The following WFDC9 variants were observed in gnomAD, a reference collection of about 807,000 sequenced individuals.
WFDC9 encodes WAP four-disulfide core domain 9.
Under a neutral mutation model 9.5 loss-of-function variants are expected in WFDC9, and 9 were observed. That is an observed-to-expected ratio of 0.95 (90% CI 0.57 to 1.65). WFDC9 has a LOEUF of 1.65. Ranked by LOEUF, WFDC9 falls within the 40% of genes most tolerant of loss-of-function variation. The probability of loss-of-function intolerance (pLI) is 0.00; values close to 1 mark genes in which losing one functional copy is unlikely to be tolerated. For synonymous variants in WFDC9, 33 were observed against 32.3 expected, an observed-to-expected ratio of 1.02 and a Z score of -0.07; for missense variants, 87 against 106.7, an observed-to-expected ratio of 0.82 and a Z score of 0.81.
chr20:45,621,373 T>G (rs1443845913), intron 1 of WFDC9, among the ~76,000 whole-genome samples: 1 of 152,230 alleles, frequency 6.6e-6, no homozygotes, highest in Non-Finnish European at 1.5e-5. Context: ...CCTAAATTTT[T>G]AGACAACACC....
chr20:45,608,647 A>G lies in WFDC9; in HGVS notation c.239+16T>C. On this transcript the variant is annotated intron_variant, in intron 4 of 4. Coordinates refer to ENST00000326000, the MANE Select transcript of WFDC9 (RefSeq NM_147198.4). ...AGCATGCCCAGGCCCTAGCCTTCCCACCCCAACCAACTCACTCGTTGTCTA... is the reference window on the plus strand; with the variant it reads ...AGCATGCCCAGGCCCTAGCCTTCCCGCCCCAACCAACTCACTCGTTGTCTA... 1 of 1,607,400 alleles carries G rather than the reference A, an allele frequency of 6.2e-7. No individual in the cohort carries two copies. The highest frequency in any genetic ancestry group is 1.3e-5 in the African/African-American group (1 of 74,938).
chr20:45,621,831 C>T (rs1199449987), intron 1 of WFDC9, among the ~76,000 whole-genome samples: 1 of 152,156 alleles, frequency 6.6e-6, no homozygotes, highest in East Asian at 1.9e-4. Flanking sequence ...CTGGACTTTG[C>T]CCCTTGCACC....
chr20:45,609,609 T>C (rs1981815931), intron 3 of WFDC9, among the ~76,000 whole-genome samples: 2 of 152,164 alleles, frequency 1.3e-5, no homozygotes, highest in Non-Finnish European at 2.9e-5. Context: ...GTCTTTGTTG[T>C]CCACATTTTC....
chr20:45,613,249 TC>T (rs1474734675), intron 2 of WFDC9, among the ~76,000 whole-genome samples: 9 of 152,208 alleles, frequency 5.9e-5, no homozygotes. Context: ...TTCTTGTGTG[TC>T]CTATTTAACA....
chr20:45,609,572 C>T (rs920562563), intron 3 of WFDC9, among the ~76,000 whole-genome samples: 2 of 152,106 alleles, frequency 1.3e-5, no homozygotes, highest in East Asian at 3.9e-4. Context: ...AATTTTATTT[C>T]CCTGGCCCAC....
chr20:45,610,047 C>T, intron 3 of WFDC9, 44 bp downstream of exon 3: 1 of 1,534,262 alleles, frequency 6.5e-7, no homozygotes, highest in Non-Finnish European at 9.0e-7. Context: ...CAATAGACAT[C>T]CCAGGACTGG....
intron 1 of WFDC9, among the ~76,000 whole-genome samples, chr20:45,628,456 G>A (rs1381268464): frequency 6.6e-6 from 1 of 152,152 alleles, no homozygotes; most frequent in African/African-American, 2.4e-5. Context: ...AGATGCTTGG[G>A]TAAGGAAAAT....
At chr20:45,617,992 A>G (rs908052066) in intron 1 of WFDC9, among the ~76,000 whole-genome samples, 1 of 152,232 alleles carries the variant, frequency 6.6e-6, no homozygotes, top group Non-Finnish European at 1.5e-5. Context: ...TTCCTTGAGG[A>G]TGTATAATGA....
At chr20:45,608,555 G>T (rs1981778850) in intron 4 of WFDC9, 108 bp downstream of exon 4, 3 of 1,363,192 alleles carry the variant, frequency 2.2e-6, no homozygotes, top group Middle Eastern at 4.0e-4. Context: ...GTCTTTTGCT[G>T]CCTATTTCTT....
intron 2 of WFDC9, among the ~76,000 whole-genome samples, chr20:45,612,156 G>T (rs914139594): frequency 6.6e-6 from 1 of 152,082 alleles, no homozygotes; most frequent in Non-Finnish European, 1.5e-5. Context: ...AATGTTAACT[G>T]TCAGCATTAA....
chr20:45,621,520 G>C (rs1982100040), intron 1 of WFDC9, among the ~76,000 whole-genome samples: 1 of 152,156 alleles, frequency 6.6e-6, no homozygotes, highest in African/African-American at 2.4e-5. Context: ...AGTTCCCATT[G>C]TTCTCAGAAC....
Position 45,608,040 on chromosome 20 carries a change from G to C in WFDC9, c.*70C>G. 5 of 1,557,296 alleles carry C rather than the reference G, an allele frequency of 3.2e-6. No homozygotes were observed. The highest frequency in any genetic ancestry group is 4.4e-6 in the Non-Finnish European group (5 of 1,130,778). ...TAGAGCCAGTGGGTGTCCCAAGAAGGAAGTAGGCAGCACTCTTCTTAGACC... is the reference window on the plus strand; with the variant it reads ...TAGAGCCAGTGGGTGTCCCAAGAAGCAAGTAGGCAGCACTCTTCTTAGACC... On this transcript the variant is annotated 3_prime_UTR_variant, in exon 5 of 5. Coordinates refer to ENST00000326000, the MANE Select transcript of WFDC9 (RefSeq NM_147198.4).
chr20:45,614,200 C>T (rs1006827094), intron 2 of WFDC9, among the ~76,000 whole-genome samples: 3 of 152,158 alleles, frequency 2.0e-5, no homozygotes, highest in Admixed American at 6.5e-5. Flanking sequence ...TTTTGCACAC[C>T]CTCAAGTGTA....
intron 1 of WFDC9, among the ~76,000 whole-genome samples, chr20:45,629,134 T>G (rs1568655571): frequency 6.6e-6 from 1 of 152,230 alleles, no homozygotes; most frequent in Non-Finnish European, 1.5e-5. Flanking sequence ...TATGTATATC[T>G]GTGTATGTGT....
chr20:45,613,943 G>A lies in WFDC9; in HGVS notation c.-59+685C>T, dbSNP rs190657092. ...GATTGCAGTAGGCCTCTGGATTCCTGGTACCAACCCTTTGCATAAAGAAGG... is the reference window on the plus strand; with the variant it reads ...GATTGCAGTAGGCCTCTGGATTCCTAGTACCAACCCTTTGCATAAAGAAGG... On this transcript the variant is annotated intron_variant, in intron 2 of 4. Transcript: ENST00000326000. Among the ~76,000 whole-genome samples the A allele has an allele frequency of 2.5e-3, 381 of 152,200 alleles. 1 individual carries two copies. Among genetic ancestry groups the A allele is most frequent in the Middle Eastern group, 0.01 (3 of 294 alleles).
intron 2 of WFDC9, among the ~76,000 whole-genome samples, chr20:45,612,233 T>C (rs1224787437): frequency 6.6e-6 from 1 of 152,186 alleles, no homozygotes; most frequent in Non-Finnish European, 1.5e-5. Context: ...TTTTTACTTT[T>C]TTTTTTACAC....
Position 45,608,051 on chromosome 20 carries a change from C to T in WFDC9, c.*59G>A. 6.3e-7 allele frequency: 1 copy of T among 1,596,398 alleles called. No individual in the cohort carries two copies. The highest frequency in any genetic ancestry group is 1.7e-5 in the Admixed American group (1 of 59,396). On this transcript the variant is annotated 3_prime_UTR_variant, in exon 5 of 5. Transcript: ENST00000326000. The stretch of plus-strand genomic sequence containing the variant: ...GGTGTCCCAAGAAGGAAGTAGGCAG[C>T]ACTCTTCTTAGACCAGATGGTCATC...
chr20:45,619,593 G>A (rs549657344), intron 1 of WFDC9, among the ~76,000 whole-genome samples: 18 of 152,092 alleles, frequency 1.2e-4, no homozygotes, highest in Non-Finnish European at 2.4e-4. Context: ...AAAGAGAACA[G>A]ATAAAAGTAA....
At chr20:45,610,428 C>T (rs1981835992) in intron 2 of WFDC9, among the ~76,000 whole-genome samples, 189 bp from the exon 3 acceptor site, 2 of 152,102 alleles carry the variant, frequency 1.3e-5, no homozygotes, top group South Asian at 4.1e-4. Context: ...AAAATTATTT[C>T]TTATTAAAAT....
Sources: gnomAD v4.1 joint callset for allele counts (sites outside exome capture counted in the v4.1 genomes callset) on GRCh38, gnomAD v4.1.1 for gene constraint, MANE v1.5 for transcripts, NCBI Gene and HGNC (gene_info 2026-07-23, HGNC 2026-07-21) for gene names.